TRPM6: variants seen among roughly 807,000 people sequenced by gnomAD.
The protein encoded by TRPM6 is transient receptor potential cation channel subfamily M member 6.
Under a neutral mutation model 247.6 loss-of-function variants are expected in TRPM6, and 111 were observed. The ratio of observed to expected loss-of-function variants is 0.45; its 90% CI spans 0.38 to 0.52. The LOEUF (loss-of-function observed/expected upper bound fraction) is 0.52. TRPM6 is among the 20% of genes least tolerant of loss of function. The probability of loss-of-function intolerance (pLI) is 0.00; values close to 1 mark genes in which losing one functional copy is unlikely to be tolerated. For synonymous variants in TRPM6, 892 were observed against 853.8 expected, an observed-to-expected ratio of 1.04 and a Z score of -0.78; for missense variants, 2,126 against 2,421.5, an observed-to-expected ratio of 0.88 and a Z score of 2.56.
intron 18 of TRPM6, 124 bp from the exon 19 acceptor site, chr9:74,792,894 C>T (rs1564017133): frequency 5.4e-6 from 5 of 930,424 alleles, no homozygotes; most frequent in Non-Finnish European, 8.3e-6. Context: ...CGGTGGCTCA[C>T]ACCTGTAATC....
intron 1 of TRPM6, among the ~76,000 whole-genome samples, chr9:74,870,503 G>A (rs1426585509): frequency 6.6e-6 from 1 of 152,210 alleles, no homozygotes; most frequent in Non-Finnish European, 1.5e-5. Context: ...TCTGTAGCCT[G>A]TAGGTAATCT....
At chr9:74,758,203 G>A (rs1826499845) in intron 27 of TRPM6, among the ~76,000 whole-genome samples, 1 of 152,074 alleles carries the variant, frequency 6.6e-6, no homozygotes. Context: ...GAATACTTCA[G>A]ACTGAAATAA....
chr9:74,855,664 A>G, intron 2 of TRPM6, 99 bp from the exon 3 acceptor site: 1 of 863,202 alleles, frequency 1.2e-6, no homozygotes, highest in Non-Finnish European at 2.0e-6. Context: ...ATGATCTAGA[A>G]ATCAAGGTTT....
intron 5 of TRPM6, among the ~76,000 whole-genome samples, chr9:74,835,333 A>G (rs1000498177): frequency 4.6e-5 from 7 of 152,140 alleles, no homozygotes; most frequent in African/African-American, 9.7e-5. Context: ...TTTGGATATT[A>G]GCCCTTTGAC....
intron 29 of TRPM6, 124 bp from the exon 30 acceptor site, chr9:74,750,846 C>A (rs1826221138): frequency 2.3e-6 from 2 of 885,322 alleles, no homozygotes; most frequent in Non-Finnish European, 3.7e-6. Context: ...CCTGAATATT[C>A]TTCTTTTAAA....
chr9:74,768,600 G>T (rs1465290071), intron 25 of TRPM6, among the ~76,000 whole-genome samples: 1 of 152,152 alleles, frequency 6.6e-6, no homozygotes. Context: ...TCTGAAAGTC[G>T]TGCTGGACTC....
At chr9:74,810,146 T>C (rs1443268205) in intron 13 of TRPM6, among the ~76,000 whole-genome samples, 1 of 151,828 alleles carries the variant, frequency 6.6e-6, no homozygotes, top group African/African-American at 2.4e-5. Flanking sequence ...TAGTGACAAA[T>C]AAATAAAAAG....
At chr9:74,736,718 C>T (rs12344725) in intron 36 of TRPM6, among the ~76,000 whole-genome samples, 2,931 of 152,260 alleles carry the variant, frequency 0.019, 108 homozygotes, top group African/African-American at 0.065. Flanking sequence ...GTTTTGACAT[C>T]GTTTATTTGG....
At chr9:74,861,066 G>A (rs1479117594) in intron 1 of TRPM6, among the ~76,000 whole-genome samples, 1 of 152,040 alleles carries the variant, frequency 6.6e-6, no homozygotes, top group Non-Finnish European at 1.5e-5. Flanking sequence ...CTATCTTTTT[G>A]AATCAGTCAG....
intron 1 of TRPM6, among the ~76,000 whole-genome samples, chr9:74,877,916 C>A (rs904391144): frequency 1.3e-5 from 2 of 151,990 alleles, no homozygotes; most frequent in African/African-American, 4.8e-5. Flanking sequence ...TGGCTACATG[C>A]ACCATGAGGG....
At chr9:74,739,518 T>C in intron 34 of TRPM6, 69 bp from the exon 35 acceptor site, 1 of 1,544,868 alleles carries the variant, frequency 6.5e-7, no homozygotes, top group East Asian at 2.2e-5. Context: ...GAAATTACTA[T>C]AGGCTACCCC....
At chr9:74,828,056 A>G (rs1194859830) in intron 6 of TRPM6, 107 bp from the exon 7 acceptor site, 2 of 1,231,740 alleles carry the variant, frequency 1.6e-6, no homozygotes, top group Non-Finnish European at 1.1e-6. Context: ...TGTCTAGTTT[A>G]AAAAGTACTA....
At position 74,744,138 on chromosome 9, in the gene TRPM6, T is replaced by C. The variant is rs1254103588; in HGVS notation, c.5091A>G (p.Ser1697=). Residue 1697 remains serine (S), a synonymous_variant, in exon 32 of 39, where the codon TCA becomes TCG. Coordinates refer to ENST00000360774, the MANE Select transcript of TRPM6 (RefSeq NM_017662.5). The part of the protein sequence containing the change: ...LKSSIGVDKI[S]ASLKSPQEPH... ...GCTCTTGAGGGCTTTTTAAGGAGGCTGAGATCTCTGAAATTAGAGAGGAGA... is the reference window on the plus strand; with the variant it reads ...GCTCTTGAGGGCTTTTTAAGGAGGCCGAGATCTCTGAAATTAGAGAGGAGA... 1 of 1,614,026 alleles carries C rather than the reference T, an allele frequency of 6.2e-7. No individual in the cohort carries two copies. Among genetic ancestry groups the C allele is most frequent in the Non-Finnish European group, 8.5e-7 (1 of 1,179,922 alleles).
chr9:74,820,515 C>A (rs1644435777), intron 8 of TRPM6, 88 bp from the exon 9 acceptor site: 11 of 1,520,240 alleles, frequency 7.2e-6, no homozygotes. Context: ...ATCAGCTCCC[C>A]AGACTGAAAA....
intron 1 of TRPM6, among the ~76,000 whole-genome samples, chr9:74,875,528 G>A (rs1271907866): frequency 6.6e-6 from 1 of 152,020 alleles, no homozygotes; most frequent in African/African-American, 2.4e-5. Flanking sequence ...GGGCGACAGA[G>A]CTTGACTCTA....
chr9:74,825,203 A>G (rs988361967), intron 7 of TRPM6, among the ~76,000 whole-genome samples: 5 of 152,230 alleles, frequency 3.3e-5, no homozygotes, highest in African/African-American at 1.2e-4. Flanking sequence ...CAGAGGTTGC[A>G]GTGAACTGAT....
At chr9:74,870,892 C>T (rs1388354376) in intron 1 of TRPM6, among the ~76,000 whole-genome samples, 1 of 151,240 alleles carries the variant, frequency 6.6e-6, no homozygotes, top group Non-Finnish European at 1.5e-5. Context: ...AAGATAGTGC[C>T]ACGGCACTCC....
At chr9:74,765,542 T>A (rs1826799850) in intron 25 of TRPM6, among the ~76,000 whole-genome samples, 1 of 152,134 alleles carries the variant, frequency 6.6e-6, no homozygotes, top group Non-Finnish European at 1.5e-5. Flanking sequence ...ATAATGAAAA[T>A]CTTCAATAAA....
chr9:74,743,254 A>G (rs1362424561), intron 32 of TRPM6, among the ~76,000 whole-genome samples: 3 of 152,214 alleles, frequency 2.0e-5, no homozygotes, highest in African/African-American at 4.8e-5. Flanking sequence ...AATCCACTGC[A>G]ACTCTATTCA....
Sources: gnomAD v4.1 joint callset for allele counts (sites outside exome capture counted in the v4.1 genomes callset) on GRCh38, gnomAD v4.1.1 for gene constraint, MANE v1.5 for transcripts, NCBI Gene and HGNC (gene_info 2026-07-23, HGNC 2026-07-21) for gene names.